RNF144A: variants seen among roughly 807,000 people sequenced by gnomAD.
RNF144A encodes the protein E3 ubiquitin-protein ligase RNF144A.
In RNF144A, 11 loss-of-function variants were observed where a neutral mutation model predicts 38.7. That is an observed-to-expected ratio of 0.28 (90% CI 0.18 to 0.47). The LOEUF is 0.47. Ranked by LOEUF, RNF144A falls within the 20% of genes least tolerant of loss-of-function variation. The probability of loss-of-function intolerance (pLI) is 0.99; values close to 1 mark genes in which losing one functional copy is unlikely to be tolerated. For missense variants in RNF144A, 316 were observed against 377.2 expected (o/e 0.84, Z 1.34); for synonymous variants, 149 against 143.9 (o/e 1.04, Z -0.25).
chr2:6,921,922 C>T (rs932828943), intron 1 of RNF144A, among the ~76,000 whole-genome samples: 1 of 152,196 alleles, frequency 6.6e-6, no homozygotes, highest in South Asian at 2.1e-4. Context: ...GGGCCGAGCT[C>T]CCCAGCTGCC....
At chr2:7,069,194 G>C (rs1411957145), downstream of RNF144A, among the ~76,000 whole-genome samples, 2 of 152,212 alleles carry the variant, frequency 1.3e-5, no homozygotes, top group Admixed American at 6.5e-5. Flanking sequence ...ATCAAATGTA[G>C]AGGCTCTGGC....
chr2:7,047,480 C>G (rs1013172016), downstream of RNF144A, among the ~76,000 whole-genome samples: 17 of 152,146 alleles, frequency 1.1e-4, no homozygotes, highest in African/African-American at 4.1e-4. Flanking sequence ...AAGCAGAAAG[C>G]CCTGATAAAC....
At chr2:7,039,566 C>A in intron 8 of RNF144A, 63 bp from the exon 9 acceptor site, 1 of 1,592,364 alleles carries the variant, frequency 6.3e-7, no homozygotes, top group Non-Finnish European at 8.6e-7. Context: ...GTGGTTTACA[C>A]TTTAGCTCTG....
Position 6,942,253 on chromosome 2 carries a change from A to T in RNF144A, c.-12+1106A>T, listed in dbSNP as rs551623916. On this transcript the variant is annotated intron_variant, in intron 2 of 8. Coordinates refer to ENST00000320892, the MANE Select transcript of RNF144A (RefSeq NM_014746.6). ...AGAGGACAAGGCTAGAATCCAGGAG[A>T]CCATCTCAGAGGACGTTAGAAAGGG... Among the ~76,000 whole-genome samples, 3 of 152,214 alleles carry T rather than the reference A, an allele frequency of 2.0e-5. No individual in the cohort carries two copies. In the East Asian group the frequency reaches 5.8e-4, roughly 29 times the overall value.
At chr2:7,009,351 G>A (rs1268709183) in intron 3 of RNF144A, among the ~76,000 whole-genome samples, 1 of 152,194 alleles carries the variant, frequency 6.6e-6, no homozygotes, top group Non-Finnish European at 1.5e-5. Flanking sequence ...TAGGAAAAAG[G>A]TAATGCAGGG....
intron 6 of RNF144A, among the ~76,000 whole-genome samples, chr2:7,066,298 A>G (rs1350706569): frequency 1.3e-5 from 2 of 152,114 alleles, no homozygotes; most frequent in South Asian, 4.1e-4. Flanking sequence ...CGTGTTAGCC[A>G]GGATGGTCTT....
intron 3 of RNF144A, among the ~76,000 whole-genome samples, chr2:7,009,502 G>A (rs144288466): frequency 2.6e-4 from 38 of 147,158 alleles, no homozygotes; most frequent in African/African-American, 8.0e-4. Context: ...AGATGGGAGC[G>A]TTTATTTTAC....
chr2:6,950,185 A>G (rs995966618), intron 2 of RNF144A, among the ~76,000 whole-genome samples: 3 of 152,188 alleles, frequency 2.0e-5, no homozygotes, highest in African/African-American at 7.2e-5. Context: ...TGGTGCTCCC[A>G]TATATTGCTG....
At chr2:7,014,897 A>C in intron 5 of RNF144A, 125 bp downstream of exon 5, 1 of 694,514 alleles carries the variant, frequency 1.4e-6, no homozygotes, top group Non-Finnish European at 2.5e-6. Context: ...GTTGATGTAA[A>C]ATAAACTTCT....
intron 1 of RNF144A, among the ~76,000 whole-genome samples, chr2:6,919,074 T>G (rs1039224607): frequency 6.6e-6 from 1 of 152,146 alleles, no homozygotes; most frequent in African/African-American, 2.4e-5. Context: ...TAAGTTGGTG[T>G]AGACGCCTGT....
intron 8 of RNF144A, among the ~76,000 whole-genome samples, chr2:7,031,069 A>G (rs392051): frequency 0.35 from 53,313 of 151,908 alleles, 10,473 homozygotes; most frequent in East Asian, 0.71. Flanking sequence ...GTAAATACAG[A>G]TGAAGGTTTG....
At chr2:7,060,909 T>A (rs1421410389) in intron 6 of RNF144A, among the ~76,000 whole-genome samples, 1 of 152,326 alleles carries the variant, frequency 6.6e-6, no homozygotes, top group African/African-American at 2.4e-5. Context: ...TATGTATTCC[T>A]TTTTGGCATG....
chr2:6,987,171 G>C (rs188671218), intron 2 of RNF144A, among the ~76,000 whole-genome samples: 1 of 152,248 alleles, frequency 6.6e-6, no homozygotes, highest in East Asian at 1.9e-4. Context: ...TGCATCAACT[G>C]TTTTGGTCTT....
intron 6 of RNF144A, among the ~76,000 whole-genome samples, chr2:7,052,289 C>T (rs1673561831): frequency 6.6e-6 from 1 of 152,210 alleles, no homozygotes; most frequent in East Asian, 1.9e-4. Flanking sequence ...GAGCTCACTG[C>T]CTAGCATCTA....
At chr2:7,031,347 C>T (rs1012586168) in intron 8 of RNF144A, among the ~76,000 whole-genome samples, 10 of 152,160 alleles carry the variant, frequency 6.6e-5, no homozygotes, top group Admixed American at 2.6e-4. Context: ...TGTCCTTCTA[C>T]GGAACTACGT....
rs143829855 is a variant in RNF144A, at chr2:7,019,633, G to A, written c.302-840G>A. On this transcript the variant is annotated intron_variant, in intron 5 of 8. Transcript: ENST00000320892. ...CAGAGCCTTGCTGCTCCCTGGGGTG[G>A]CCACTGATCGAGAATTCGGCATCAT... 3.3e-3 allele frequency among the ~76,000 whole-genome samples: 498 copies of A among 152,328 alleles called. 4 individuals carry two copies. Among genetic ancestry groups the A allele is most frequent in the African/African-American group, 0.011 (472 of 41,570 alleles).
rs151087090 is a variant in RNF144A at position 7,043,844 on chromosome 2, G to A, written c.*4084G>A. 1.0e-3 allele frequency: 996 copies of A among 985,728 alleles called. 8 individuals carry two copies. The African/African-American group carries it at 0.016, about 16-fold the overall frequency. 61.1% of individuals were successfully genotyped at this position (985,728 alleles called of 1,614,324 possible). ...TCCTTCTTTGCTCACTTTACTATGG[G>A]TGTATTTTAATCTTGTATAAAAATA... On this transcript the variant is annotated 3_prime_UTR_variant, in exon 9 of 9. Transcript: ENST00000320892.
rs898691129 is a variant in RNF144A, at chr2:7,040,090, C to T, written c.*330C>T. 9.5e-7 allele frequency: 1 copy of T among 1,047,662 alleles called. No individual in the cohort carries two copies. Among genetic ancestry groups the T allele is most frequent in the Non-Finnish European group, 1.1e-6 (1 of 870,212 alleles). 64.9% of individuals were successfully genotyped at this position (1,047,662 alleles called of 1,614,324 possible). ...GTCTGGGGATGGCCTAAGAGACTTT[C>T]TGCTCCTTGGCTTCTAGATGGCACC... On this transcript the variant is annotated 3_prime_UTR_variant, in exon 9 of 9. Coordinates refer to ENST00000320892, the MANE Select transcript of RNF144A (RefSeq NM_014746.6).
At chr2:7,020,236 C>T (rs1671427051) in intron 5 of RNF144A, among the ~76,000 whole-genome samples, 1 of 152,172 alleles carries the variant, frequency 6.6e-6, no homozygotes, top group South Asian at 2.1e-4. Context: ...GAGCAGCATT[C>T]CTGAGGGATG....
Sources: gnomAD v4.1 joint callset for allele counts (sites outside exome capture counted in the v4.1 genomes callset) on GRCh38, gnomAD v4.1.1 for gene constraint, MANE v1.5 for transcripts, NCBI Gene and HGNC (gene_info 2026-07-23, HGNC 2026-07-21) for gene names.